SHISA9: variants seen among roughly 807,000 people sequenced by gnomAD.
The protein encoded by SHISA9 is shisa family member 9.
Under a neutral mutation model 38.0 loss-of-function variants are expected in SHISA9, and 13 were observed. That is an observed-to-expected ratio of 0.34 (90% confidence interval 0.22 to 0.54). The LOEUF (loss-of-function observed/expected upper bound fraction) is 0.54. Among genes scored for constraint, SHISA9 ranks in the 20% least tolerant of loss-of-function variants. SHISA9 has a pLI of 0.91. For missense variants in SHISA9, 538 were observed against 575.8 expected, an observed-to-expected ratio of 0.93 and a Z score of 0.67; for synonymous variants, 275 against 242.0, an observed-to-expected ratio of 1.14 and a Z score of -1.27.
At chr16:13,508,775 TG>T in the SHISA9 span, among the ~76,000 whole-genome samples, 1 of 152,218 alleles carries the variant, frequency 6.6e-6, no homozygotes, top group Non-Finnish European at 1.5e-5. Context: ...GAAACTTTCA[TG>T]AGGAGAAAGA....
the SHISA9 span, among the ~76,000 whole-genome samples, chr16:13,522,417 T>G: frequency 5.3e-5 from 8 of 152,136 alleles, no homozygotes; most frequent in Admixed American, 6.5e-5. Flanking sequence ...CTCAGTGGTT[T>G]GATCATCTAG....
the SHISA9 span, among the ~76,000 whole-genome samples, chr16:13,321,884 T>C: frequency 1.3e-5 from 2 of 152,190 alleles, no homozygotes; most frequent in Non-Finnish European, 2.9e-5. Context: ...AACTGTGAAA[T>C]GGGGATAATA....
chr16:13,195,010 G>C (rs1400680084), intron 2 of SHISA9, among the ~76,000 whole-genome samples: 1 of 152,146 alleles, frequency 6.6e-6, no homozygotes, highest in Non-Finnish European at 1.5e-5. Context: ...GGTCAATATA[G>C]ACACGGATAG....
At chr16:12,916,565 C>T in intron 1 of SHISA9, 123 bp from the exon 2 acceptor site, 2 of 1,188,960 alleles carry the variant, frequency 1.7e-6, no homozygotes, top group South Asian at 3.4e-5. Flanking sequence ...CCACCCCTAA[C>T]TAGAATGGTG....
In SHISA9 at chr16:13,163,417, A is replaced by G. The variant is rs1184269806; in HGVS notation, c.692-39977A>G. On this transcript the variant is annotated intron_variant, in intron 2 of 4. Transcript: ENST00000558583. ...ATTTTAAAATTAGATGATCATTTCTACAAAAAAGTGTGCTTGAATTTTTAC... is the reference window on the plus strand; with the variant it reads ...ATTTTAAAATTAGATGATCATTTCTGCAAAAAAGTGTGCTTGAATTTTTAC... Among the ~76,000 whole-genome samples, 6 of 152,288 alleles carry G rather than the reference A, an allele frequency of 3.9e-5. No individual in the cohort carries two copies. In the East Asian group the frequency reaches 1.2e-3, roughly 29 times the overall value.
chr16:13,478,776 G>A, the SHISA9 span, among the ~76,000 whole-genome samples: 4 of 152,222 alleles, frequency 2.6e-5, no homozygotes, highest in Admixed American at 2.6e-4. Context: ...AAGAAAGGGT[G>A]TTAAGAATGC....
chr16:13,409,227 C>T, the SHISA9 span, among the ~76,000 whole-genome samples: 1 of 152,210 alleles, frequency 6.6e-6, no homozygotes, highest in Non-Finnish European at 1.5e-5. Context: ...CATCCCCCTT[C>T]CAGTTCCCCA....
rs535743430 is a variant in SHISA9, at chr16:13,149,116, C to T, written c.692-54278C>T. ...AATGTGGGGAAGTGGTGCCCTCAGCCAGTGAGATGAGTCTCCTTGACACCA... is the reference window on the plus strand; with the variant it reads ...AATGTGGGGAAGTGGTGCCCTCAGCTAGTGAGATGAGTCTCCTTGACACCA... On this transcript the variant is annotated intron_variant, in intron 2 of 4. Transcript: ENST00000558583. Among the ~76,000 whole-genome samples, 4 of 152,288 alleles carry T rather than the reference C, an allele frequency of 2.6e-5. No homozygotes were observed. The South Asian group carries it at 6.2e-4, about 24-fold the overall frequency.
chr16:13,415,042 A>G, the SHISA9 span, among the ~76,000 whole-genome samples: 3 of 152,218 alleles, frequency 2.0e-5, no homozygotes, highest in African/African-American at 7.2e-5. Context: ...TTTGAACACA[A>G]TTCGAACTGT....
At chr16:13,469,387 AAGAAAG>A in the SHISA9 span, among the ~76,000 whole-genome samples, 9 of 119,170 alleles carry the variant, frequency 7.6e-5, no homozygotes, top group Middle Eastern at 4.5e-3. Context: ...GAAAGAAAGA[AAGAAAG>A]AAAGAAAGAA....
intron 2 of SHISA9, among the ~76,000 whole-genome samples, chr16:12,974,202 T>C (rs1043123765): frequency 2.0e-5 from 3 of 152,072 alleles, no homozygotes; most frequent in Admixed American, 2.0e-4. Flanking sequence ...ATGACTCAAA[T>C]TATGGGGAGA....
At chr16:13,517,024 T>A in the SHISA9 span, among the ~76,000 whole-genome samples, 1 of 152,218 alleles carries the variant, frequency 6.6e-6, no homozygotes, top group Admixed American at 6.5e-5. Context: ...CACATAGTCA[T>A]GTCTATCCAC....
At chr16:13,307,721 C>G in the SHISA9 span, among the ~76,000 whole-genome samples, 2 of 152,160 alleles carry the variant, frequency 1.3e-5, no homozygotes, top group Non-Finnish European at 2.9e-5. Context: ...TTATAGGAAT[C>G]AATAAGTTGT....
chr16:13,211,536 C>T (rs1314503586), intron 3 of SHISA9, among the ~76,000 whole-genome samples: 3 of 152,150 alleles, frequency 2.0e-5, no homozygotes, highest in East Asian at 1.9e-4. Flanking sequence ...CTCATATCTC[C>T]TTCCTTTTAA....
the SHISA9 span, among the ~76,000 whole-genome samples, chr16:13,247,754 C>T: frequency 6.6e-6 from 1 of 152,196 alleles, no homozygotes; most frequent in Non-Finnish European, 1.5e-5. Flanking sequence ...AATTTTGTCA[C>T]ATCCTCTTGA....
the SHISA9 span, among the ~76,000 whole-genome samples, chr16:13,398,560 G>A: frequency 1.3e-5 from 2 of 151,104 alleles, no homozygotes; most frequent in Non-Finnish European, 2.9e-5. Flanking sequence ...GAGTGAAGTG[G>A]CATGATCTTG....
intron 3 of SHISA9, among the ~76,000 whole-genome samples, chr16:13,210,546 A>C (rs781143047): frequency 1.3e-5 from 2 of 152,256 alleles, no homozygotes; most frequent in Non-Finnish European, 2.9e-5. Flanking sequence ...CAACAGCAAC[A>C]ATACACTTCA....
At chr16:13,070,198 CT>C (rs2073496460) in intron 2 of SHISA9, among the ~76,000 whole-genome samples, 1 of 151,422 alleles carries the variant, frequency 6.6e-6, no homozygotes, top group African/African-American at 2.4e-5. Flanking sequence ...CATGGAATTC[CT>C]CCTCTTCTCC....
chr16:13,084,460 G>A (rs2073688609), intron 2 of SHISA9, among the ~76,000 whole-genome samples: 1 of 152,188 alleles, frequency 6.6e-6, no homozygotes, highest in African/African-American at 2.4e-5. Context: ...GAGCTCAGGT[G>A]CCTTAGAGTG....
Sources: allele counts gnomAD v4.1 joint callset (sites outside exome capture counted in the v4.1 genomes callset), GRCh38; gene constraint gnomAD v4.1.1; transcripts MANE v1.5; gene names NCBI Gene and HGNC (gene_info 2026-07-23, HGNC 2026-07-21).